Variants in NRP1 observed in about 807,000 individuals in gnomAD.
The protein encoded by NRP1 is neuropilin-1.
A neutral mutation model predicts 106.7 loss-of-function variants in NRP1; 35 were observed. That is an observed-to-expected ratio of 0.33 (90% CI 0.25 to 0.43). The LOEUF is 0.43. Among genes scored for constraint, NRP1 ranks in the 20% least tolerant of loss-of-function variants. The pLI is 1.00. For synonymous variants in NRP1, 437 were observed against 417.9 expected, an observed-to-expected ratio of 1.05 and a Z score of -0.56; for missense variants, 1,024 against 1,170.4, an observed-to-expected ratio of 0.87 and a Z score of 1.83.
chr10:33,247,342 T>C (rs992123931), intron 6 of NRP1, among the ~76,000 whole-genome samples: 1 of 152,200 alleles, frequency 6.6e-6, no homozygotes, highest in Non-Finnish European at 1.5e-5. Context: ...GCTCCTGAAA[T>C]CAGGTCTACG....
chr10:33,185,486 A>G, intron 15 of NRP1, 142 bp downstream of exon 15: 1 of 621,994 alleles, frequency 1.6e-6, no homozygotes, highest in South Asian at 2.0e-5. Flanking sequence ...GCCCTGTTGC[A>G]CCAGAATACG....
chr10:33,267,257 G>A (rs1842985906), intron 3 of NRP1, among the ~76,000 whole-genome samples: 1 of 152,098 alleles, frequency 6.6e-6, no homozygotes, highest in African/African-American at 2.4e-5. Flanking sequence ...CCAGTCTCAG[G>A]TATTTCTTTA....
intron 11 of NRP1, chr10:33,202,407 A>G (rs1486414151): frequency 8.9e-6 from 4 of 449,472 alleles, no homozygotes; most frequent in Admixed American, 4.0e-5. Flanking sequence ...TTAATGTACA[A>G]TGATTTACCA....
At chr10:33,201,770 AC>A (rs1837329165) in intron 11 of NRP1, 1 of 151,914 alleles carries the variant, frequency 6.6e-6, no homozygotes, top group Non-Finnish European at 1.5e-5. Context: ...TTAAATGTAA[AC>A]TCAGTTCACA....
intron 7 of NRP1, among the ~76,000 whole-genome samples, chr10:33,225,790 AG>A (rs201507578): frequency 2.2e-4 from 34 of 152,294 alleles, no homozygotes; most frequent in African/African-American, 7.9e-4. Flanking sequence ...GAAGAAATCG[AG>A]GGGGGAAAAA....
chr10:33,237,466 A>C (rs1388027269), intron 6 of NRP1, among the ~76,000 whole-genome samples: 7 of 146,194 alleles, frequency 4.8e-5, no homozygotes, highest in African/African-American at 1.6e-4. Flanking sequence ...AACTAACGGC[A>C]GAAGAAACAC....
chr10:33,241,674 G>A (rs1332332742), intron 6 of NRP1, among the ~76,000 whole-genome samples: 1 of 151,612 alleles, frequency 6.6e-6, no homozygotes, highest in Non-Finnish European at 1.5e-5. Context: ...TGTGTGGGGT[G>A]CATCTTTGAC....
At chr10:33,250,356 G>A (rs1472993975) in intron 6 of NRP1, among the ~76,000 whole-genome samples, 1 of 152,176 alleles carries the variant, frequency 6.6e-6, no homozygotes, top group East Asian at 1.9e-4. Flanking sequence ...ACAGACACAA[G>A]AAGCATGTAA....
At chr10:33,268,975 C>T (rs569506037) in intron 3 of NRP1, among the ~76,000 whole-genome samples, 35 of 152,282 alleles carry the variant, frequency 2.3e-4, no homozygotes, top group Middle Eastern at 3.4e-3. Context: ...GTTGTCGCAA[C>T]GTTTCCTGGA....
intron 2 of NRP1, among the ~76,000 whole-genome samples, chr10:33,280,707 C>T (rs919118273): frequency 1.7e-4 from 26 of 151,966 alleles, no homozygotes; most frequent in Non-Finnish European, 2.8e-4. Flanking sequence ...CTCCAACAGG[C>T]GCTGTGGCTC....
At chr10:33,210,541 C>A (rs1024802900) in intron 9 of NRP1, among the ~76,000 whole-genome samples, 1 of 152,136 alleles carries the variant, frequency 6.6e-6, no homozygotes, top group Non-Finnish European at 1.5e-5. Context: ...TGGAACTAGG[C>A]TAACTGATAT....
intron 3 of NRP1, among the ~76,000 whole-genome samples, chr10:33,267,056 A>C (rs887455633): frequency 7.9e-5 from 12 of 151,868 alleles, no homozygotes; most frequent in African/African-American, 2.7e-4. Context: ...AAAACAAAAA[A>C]ACGTGTAGCA....
chr10:33,332,450 T>C (rs1490245989), intron 1 of NRP1, among the ~76,000 whole-genome samples: 1 of 152,180 alleles, frequency 6.6e-6, no homozygotes, highest in Non-Finnish European at 1.5e-5. Context: ...GTGTCTGGCA[T>C]CTGTTACAGG....
chr10:33,192,365 A>T lies in NRP1; in HGVS notation c.1978T>A (p.Phe660Ile), dbSNP rs1450856854. 5.0e-6 allele frequency: 8 copies of T among 1,613,950 alleles called. No individual in the cohort carries two copies. In the South Asian group the frequency reaches 8.8e-5, roughly 18 times the overall value. The change falls in exon 13 of 17, where the codon TTC becomes ATC. Residue 660 changes from phenylalanine (F) to isoleucine (I), a missense_variant. Transcript: ENST00000374867. ...TGATTGTCATGTTCCCAGTGGCAGA[A>T]GGTCTTGTGAGAGCCCCAGCCAAAT... ...CEFGWGSHKT[F>I]CHWEHDNHVQ...
Position 33,179,774 on chromosome 10 carries a change from A to C in NRP1, c.*302T>G. ...AGAATCCACAAAGGGGAGAGGAGAG[A>C]GAGAGAGAGGGGCAGGAGGGGTCGA... On this transcript the variant is annotated 3_prime_UTR_variant, in exon 17 of 17. Coordinates refer to ENST00000374867, the MANE Select transcript of NRP1 (RefSeq NM_003873.7). The C allele has an allele frequency of 3.1e-6, 1 of 317,686 alleles. No individual in the cohort carries two copies. Among genetic ancestry groups the C allele is most frequent in the Non-Finnish European group, 5.8e-6 (1 of 171,012 alleles). The allele number at this position is 317,686 out of a possible 1,614,324, so 19.7% of individuals were successfully genotyped here. A position where few individuals can be genotyped will look rare whatever the true frequency, so the allele number is the denominator to read the frequency against.
chr10:33,313,589 A>G (rs1846771808), intron 2 of NRP1, among the ~76,000 whole-genome samples: 1 of 152,216 alleles, frequency 6.6e-6, no homozygotes, highest in African/African-American at 2.4e-5. Context: ...CTGTTACTTT[A>G]GAGACAAAAG....
At chr10:33,193,579 A>G (rs1431386344) in intron 12 of NRP1, among the ~76,000 whole-genome samples, 1 of 152,338 alleles carries the variant, frequency 6.6e-6, no homozygotes, top group East Asian at 1.9e-4. Flanking sequence ...TGGACCGTTG[A>G]ACTTAAAAAT....
At chr10:33,216,243 T>G (rs1838759533) in intron 8 of NRP1, among the ~76,000 whole-genome samples, 1 of 150,708 alleles carries the variant, frequency 6.6e-6, no homozygotes, top group Non-Finnish European at 1.5e-5. Flanking sequence ...GTTCACGCCA[T>G]TCTCCTGCCT....
At chr10:33,226,318 G>T (rs1045209547) in intron 6 of NRP1, 29 bp from the exon 7 acceptor site, 23 of 1,612,476 alleles carry the variant, frequency 1.4e-5, no homozygotes, top group Non-Finnish European at 1.9e-5. Flanking sequence ...CGTGGTCAGT[G>T]CACCATCCCT....
Sources: allele counts gnomAD v4.1 joint callset (sites outside exome capture counted in the v4.1 genomes callset), GRCh38; gene constraint gnomAD v4.1.1; transcripts MANE v1.5; gene names NCBI Gene and HGNC (gene_info 2026-07-23, HGNC 2026-07-21).